TNIK: variants seen among roughly 807,000 people sequenced by gnomAD.
TNIK encodes the protein TRAF2 and NCK-interacting protein kinase.
A neutral mutation model predicts 191.3 loss-of-function variants in TNIK; 49 were observed. The observed-to-expected ratio is 0.26, with a 90% CI of 0.20 to 0.32. The LOEUF is 0.32. TNIK is among the 10% of genes least tolerant of loss of function. The pLI is 1.00. For missense variants in TNIK, 1,155 were observed against 1,702.3 expected (o/e 0.68, Z 5.66); for synonymous variants, 594 against 600.9 (o/e 0.99, Z 0.17).
chr3:171,333,167 A>T lies in TNIK; in HGVS notation c.123+36453T>A, dbSNP rs148841242. Among the ~76,000 whole-genome samples, 466 of 151,536 alleles carry T rather than the reference A, an allele frequency of 3.1e-3. 1 individual carries two copies. The highest frequency in any genetic ancestry group is 0.011 in the African/African-American group (436 of 41,296). On this transcript the variant is annotated intron_variant, in intron 2 of 32. Coordinates refer to ENST00000436636, the MANE Select transcript of TNIK (RefSeq NM_015028.4). The stretch of plus-strand genomic sequence containing the variant: ...ATAGTTGGTGTTGGGGGTGGGAGGG[A>T]GTGTGTGTGTGTGTCTCTTTTTAAT...
chr3:171,234,477 A>G (rs1231767132), intron 2 of TNIK, among the ~76,000 whole-genome samples: 2 of 152,140 alleles, frequency 1.3e-5, no homozygotes, highest in Non-Finnish European at 2.9e-5. Flanking sequence ...CTCCATCTCA[A>G]CACCACTCAC....
intron 3 of TNIK, among the ~76,000 whole-genome samples, chr3:171,216,548 T>A (rs1293613871): frequency 2.0e-5 from 3 of 152,226 alleles, no homozygotes; most frequent in Admixed American, 1.3e-4. Context: ...AATGCCATTC[T>A]GCACATGAAT....
At chr3:171,087,309 G>T in intron 24 of TNIK, 33 bp downstream of exon 24, 1 of 1,612,450 alleles carries the variant, frequency 6.2e-7, no homozygotes, top group South Asian at 1.1e-5. Flanking sequence ...AAGGACAGCA[G>T]AACTGTCATG....
chr3:171,154,256 C>A (rs1732862375), intron 12 of TNIK, among the ~76,000 whole-genome samples: 1 of 65,044 alleles, frequency 1.5e-5, no homozygotes. Context: ...GGTGATATCT[C>A]TTCAAAAAAA....
intron 2 of TNIK, among the ~76,000 whole-genome samples, chr3:171,238,769 A>G (rs1744612186): frequency 6.6e-6 from 1 of 152,232 alleles, no homozygotes; most frequent in African/African-American, 2.4e-5. Flanking sequence ...AGATCAAATG[A>G]TAAGGTCTTG....
intron 2 of TNIK, among the ~76,000 whole-genome samples, chr3:171,327,418 C>A (rs574806673): frequency 6.6e-5 from 10 of 152,280 alleles, no homozygotes; most frequent in Admixed American, 2.0e-4. Context: ...TAGGAGGGAC[C>A]AAGGGACTGG....
intron 3 of TNIK, among the ~76,000 whole-genome samples, chr3:171,213,176 A>C (rs1212345539): frequency 5.3e-5 from 8 of 152,040 alleles, no homozygotes; most frequent in Non-Finnish European, 1.2e-4. Context: ...GGGTCCCTAC[A>C]GCGCACCTCC....
rs1471974666 is a variant in TNIK at position 171,275,955 on chromosome 3, T to C, written c.124-47734A>G. ...AAAAAATAGAGGAAAATAAAGAAAC[T>C]GGCCCTCTACAAAGGAATAGGAATT... On this transcript the variant is annotated intron_variant, in intron 2 of 32. Transcript: ENST00000436636. Among the ~76,000 whole-genome samples the C allele has an allele frequency of 2.6e-5, 4 of 151,716 alleles. No homozygotes were observed. In the East Asian group the frequency reaches 7.7e-4, roughly 29 times the overall value.
chr3:171,264,782 A>C (rs1748169814), intron 2 of TNIK, among the ~76,000 whole-genome samples: 2 of 152,260 alleles, frequency 1.3e-5, no homozygotes, highest in South Asian at 4.1e-4. Context: ...GAAGGAAGCG[A>C]TAGCCCTGCA....
intron 1 of TNIK, among the ~76,000 whole-genome samples, chr3:171,413,776 G>A (rs963461214): frequency 1.3e-5 from 2 of 152,144 alleles, no homozygotes; most frequent in South Asian, 2.1e-4. Context: ...GTACAGGTTC[G>A]CAGTCAGGCA....
At chr3:171,321,538 C>T (rs1475875867) in intron 2 of TNIK, among the ~76,000 whole-genome samples, 1 of 152,146 alleles carries the variant, frequency 6.6e-6, no homozygotes, top group African/African-American at 2.4e-5. Flanking sequence ...TATACCAAGT[C>T]CCCCTCATGC....
chr3:171,459,692 A>ACACACACACACG (rs1353884047), intron 1 of TNIK, among the ~76,000 whole-genome samples: 9 of 151,678 alleles, frequency 5.9e-5, no homozygotes, highest in Admixed American at 3.9e-4. Flanking sequence ...ACACACACAC[A>ACACACACACACG]CACACACACA....
chr3:171,176,801 T>C (rs1736012843), intron 8 of TNIK, among the ~76,000 whole-genome samples: 2 of 152,222 alleles, frequency 1.3e-5, no homozygotes. Flanking sequence ...GACTCTCTGC[T>C]GGGGCCAATA....
At chr3:171,409,043 G>T (rs765052437) in intron 1 of TNIK, among the ~76,000 whole-genome samples, 3 of 151,836 alleles carry the variant, frequency 2.0e-5, no homozygotes, top group Non-Finnish European at 2.9e-5. Flanking sequence ...GTGTCCCTGA[G>T]GGGGGATGAA....
At chr3:171,153,024 G>A (rs1732674936) in intron 12 of TNIK, among the ~76,000 whole-genome samples, 1 of 152,036 alleles carries the variant, frequency 6.6e-6, no homozygotes, top group Non-Finnish European at 1.5e-5. Context: ...ACCTGCCTCG[G>A]CCTCCCAAAA....
chr3:171,189,016 G>T (rs756943953), intron 6 of TNIK, among the ~76,000 whole-genome samples, 184 bp from the exon 7 acceptor site: 77 of 152,240 alleles, frequency 5.1e-4, no homozygotes, highest in Non-Finnish European at 7.6e-4. Flanking sequence ...CTTCACCACT[G>T]TCCATCTCCA....
At chr3:171,101,041 G>C (rs1723464027) in intron 22 of TNIK, among the ~76,000 whole-genome samples, 1 of 151,986 alleles carries the variant, frequency 6.6e-6, no homozygotes, top group African/African-American at 2.4e-5. Flanking sequence ...TGGCAGTGGT[G>C]GTAATGAAAT....
chr3:171,419,425 T>C (rs764187668), intron 1 of TNIK, among the ~76,000 whole-genome samples: 1 of 152,360 alleles, frequency 6.6e-6, no homozygotes, highest in African/African-American at 2.4e-5. Flanking sequence ...TTGACTGTAC[T>C]GATGGTTGCA....
intron 9 of TNIK, among the ~76,000 whole-genome samples, chr3:171,173,099 A>T (rs764832097): frequency 1.3e-5 from 2 of 151,784 alleles, no homozygotes; most frequent in Non-Finnish European, 2.9e-5. Flanking sequence ...AAAACAGGAG[A>T]TGTGGCCAGG....
Sources: gnomAD v4.1 joint callset for allele counts (sites outside exome capture counted in the v4.1 genomes callset) on GRCh38, gnomAD v4.1.1 for gene constraint, MANE v1.5 for transcripts, NCBI Gene and HGNC (gene_info 2026-07-23, HGNC 2026-07-21) for gene names.